The following ELL variants were observed in gnomAD, a reference collection of about 807,000 sequenced individuals.
ELL encodes the protein elongation factor for RNA polymerase II, also known as RNA polymerase II elongation factor ELL.
In ELL, 18 loss-of-function variants were observed where a neutral mutation model predicts 64.0. The ratio of observed to expected loss-of-function variants is 0.28; its 90% CI spans 0.19 to 0.42. The LOEUF (loss-of-function observed/expected upper bound fraction) is 0.42, where lower values mean the gene tolerates loss of function less well. ELL is among the 10% of genes least tolerant of loss of function. ELL has a pLI of 1.00. For missense variants in ELL, 797 were observed against 870.4 expected (o/e 0.92, Z 1.06); for synonymous variants, 399 against 376.2 (o/e 1.06, Z -0.70).
intron 1 of ELL, among the ~76,000 whole-genome samples, chr19:18,515,052 A>G (rs1265393066): frequency 6.6e-6 from 1 of 152,256 alleles, no homozygotes; most frequent in African/African-American, 2.4e-5. Context: ...CCGTGAGTCA[A>G]CAGAGGGGTG....
At chr19:18,481,246 GTGGTCC>G (rs1568388432) in intron 1 of ELL, among the ~76,000 whole-genome samples, 1 of 152,094 alleles carries the variant, frequency 6.6e-6, no homozygotes, top group Non-Finnish European at 1.5e-5. Context: ...TGAGTTTCCC[GTGGTCC>G]TTGCAACAAC....
Position 18,447,528 on chromosome 19 carries a change from G to A in ELL, c.1466-714C>T, listed in dbSNP as rs563272245. On this transcript the variant is annotated intron_variant, in intron 8 of 11. Transcript: ENST00000262809. ...CAGCCCTTCGCCCCTTCAGGGGCCT[G>A]CCCAAAGCAGCACAGCTGATGGCTA... Among the ~76,000 whole-genome samples the A allele has an allele frequency of 1.8e-3, 281 of 152,358 alleles. 2 individuals are homozygous for A. Among genetic ancestry groups the A allele is most frequent in the African/African-American group, 6.5e-3 (272 of 41,582 alleles).
At chr19:18,488,126 A>G (rs1975456681) in intron 1 of ELL, among the ~76,000 whole-genome samples, 1 of 152,212 alleles carries the variant, frequency 6.6e-6, no homozygotes, top group African/African-American at 2.4e-5. Context: ...CCGGCAGGTG[A>G]GCAGGGAGAG....
intron 6 of ELL, among the ~76,000 whole-genome samples, chr19:18,452,284 C>T (rs1300852324): frequency 6.6e-6 from 1 of 152,230 alleles, no homozygotes; most frequent in African/African-American, 2.4e-5. Context: ...CCTAGCGCCC[C>T]TCCAGGCCCT....
intron 1 of ELL, among the ~76,000 whole-genome samples, chr19:18,502,825 G>T (rs564989946): frequency 6.6e-6 from 1 of 152,368 alleles, no homozygotes; most frequent in African/African-American, 2.4e-5. Flanking sequence ...TAGGGAAGGA[G>T]TTTTGGGCCA....
chr19:18,465,530 C>T lies in ELL; in HGVS notation c.351G>A (p.Lys117=), dbSNP rs1974915098. ...HLDCLGSIQD[K]ITVCATDDSY... is the part of the protein sequence containing the mutation. ...AGTCGTCGGTGGCACACACCGTGAT[C>T]TTGTCCTGTATGCTGCCCAGGCAGT... The change falls in exon 4 of 12, where the codon AAG becomes AAA. Residue 117 remains lysine, a synonymous_variant. Coordinates refer to ENST00000262809, the MANE Select transcript of ELL (RefSeq NM_006532.4). The T allele has an allele frequency of 4.3e-6, 7 of 1,611,816 alleles. No individual in the cohort carries two copies. The highest frequency in any genetic ancestry group is 5.9e-6 in the Non-Finnish European group (7 of 1,178,270).
chr19:18,469,391 G>GC (rs1207566294), intron 2 of ELL, among the ~76,000 whole-genome samples: 1 of 152,218 alleles, frequency 6.6e-6, no homozygotes, highest in African/African-American at 2.4e-5. Context: ...GATGGGAGCA[G>GC]CCCAGGAATG....
chr19:18,460,618 C>T (rs947259587), intron 5 of ELL, among the ~76,000 whole-genome samples: 1 of 152,250 alleles, frequency 6.6e-6, no homozygotes, highest in African/African-American at 2.4e-5. Context: ...CAGGGTCCCA[C>T]CAGCCGCGCA....
chr19:18,497,912 T>C (rs762232401), intron 1 of ELL, among the ~76,000 whole-genome samples: 1 of 150,458 alleles, frequency 6.6e-6, no homozygotes, highest in Non-Finnish European at 1.5e-5. Flanking sequence ...GCAGATCGCC[T>C]GAGGTCGGGA....
At chr19:18,473,971 G>A (rs4808803) in intron 1 of ELL, among the ~76,000 whole-genome samples, 31,885 of 152,180 alleles carry the variant, frequency 0.21, 3,427 homozygotes, top group Admixed American at 0.25. Context: ...TCCCCAGAGG[G>A]CAAAGCACTA....
chr19:18,514,898 G>A (rs1976098186), intron 1 of ELL, among the ~76,000 whole-genome samples: 2 of 152,260 alleles, frequency 1.3e-5, no homozygotes, highest in South Asian at 4.1e-4. Context: ...CTGGGCAGCT[G>A]CTTCGAGCCC....
intron 1 of ELL, among the ~76,000 whole-genome samples, chr19:18,509,467 C>T (rs982480792): frequency 3.9e-5 from 6 of 152,076 alleles, no homozygotes; most frequent in East Asian, 1.9e-4. Context: ...ATGGGGTGGC[C>T]GCCCCCACCC....
At chr19:18,459,072 A>G (rs1974745822) in intron 5 of ELL, among the ~76,000 whole-genome samples, 1 of 152,162 alleles carries the variant, frequency 6.6e-6, no homozygotes, top group African/African-American at 2.4e-5. Flanking sequence ...TATAGATAGG[A>G]TCTCAGTATT....
intron 5 of ELL, among the ~76,000 whole-genome samples, chr19:18,458,982 G>C (rs1359260604): frequency 1.3e-5 from 2 of 152,162 alleles, no homozygotes. Flanking sequence ...GCAAACTCCT[G>C]GGCTCAAGCG....
At chr19:18,485,574 C>CT (rs1204904144) in intron 1 of ELL, among the ~76,000 whole-genome samples, 1 of 152,206 alleles carries the variant, frequency 6.6e-6, no homozygotes, top group African/African-American at 2.4e-5. Context: ...GCCCCCAACT[C>CT]TAAGGCTCAT....
At chr19:18,511,254 G>A (rs867679798) in intron 1 of ELL, among the ~76,000 whole-genome samples, 11 of 143,836 alleles carry the variant, frequency 7.6e-5, no homozygotes, top group South Asian at 2.2e-4. Flanking sequence ...GTGACAGAGC[G>A]AAACTCCGTC....
chr19:18,465,332 C>T, intron 4 of ELL, 80 bp downstream of exon 4: 2 of 1,503,464 alleles, frequency 1.3e-6, no homozygotes, highest in Admixed American at 2.0e-5. Flanking sequence ...AGCCAGTGCC[C>T]AGCCTGGACA....
At chr19:18,506,600 T>C (rs1975889017) in intron 1 of ELL, among the ~76,000 whole-genome samples, 1 of 152,174 alleles carries the variant, frequency 6.6e-6, no homozygotes, top group Non-Finnish European at 1.5e-5. Context: ...TGCCACGCAC[T>C]TGTAGTCCCA....
chr19:18,464,066 G>A (rs907752776), intron 4 of ELL, among the ~76,000 whole-genome samples: 4 of 151,928 alleles, frequency 2.6e-5, no homozygotes, highest in African/African-American at 9.7e-5. Flanking sequence ...AGGACCCACA[G>A]ATTTATTAAC....
Sources: allele counts gnomAD v4.1 joint callset (sites outside exome capture counted in the v4.1 genomes callset), GRCh38; gene constraint gnomAD v4.1.1; transcripts MANE v1.5; gene names NCBI Gene and HGNC (gene_info 2026-07-23, HGNC 2026-07-21).